SYN3: variants seen among roughly 807,000 people sequenced by gnomAD.
The protein encoded by SYN3 is synapsin-3.
In SYN3, 35 loss-of-function variants were observed where a neutral mutation model predicts 65.8. The observed-to-expected ratio is 0.53, with a 90% CI of 0.41 to 0.70. The LOEUF (loss-of-function observed/expected upper bound fraction) is 0.70. SYN3 is among the 30% of genes least tolerant of loss of function. The pLI, the probability that SYN3 is intolerant of heterozygous loss-of-function variation, is 0.00. For synonymous variants in SYN3, 270 were observed against 292.9 expected (o/e 0.92, Z 0.80); for missense variants, 680 against 749.0 (o/e 0.91, Z 1.08).
intron 6 of SYN3, among the ~76,000 whole-genome samples, chr22:32,743,452 G>C (rs1300771517): frequency 6.6e-6 from 1 of 152,228 alleles, no homozygotes; most frequent in African/African-American, 2.4e-5. Context: ...GGAAAGAAAG[G>C]TTGGAGACAG....
chr22:32,730,169 A>G (rs965338513), intron 6 of SYN3, among the ~76,000 whole-genome samples: 1 of 152,216 alleles, frequency 6.6e-6, no homozygotes, highest in Non-Finnish European at 1.5e-5. Flanking sequence ...GGCTAAGACA[A>G]AGAATAACCA....
In SYN3 at chr22:32,624,455, A is replaced by G. The variant is rs1164709865; in HGVS notation, c.712-27719T>C. On this transcript the variant is annotated intron_variant, in intron 6 of 13. Transcript: ENST00000358763. ...CAGGCTATTGAAATACTTTCATCTC[A>G]TTGGTAGTCATTTACCGGGAAGACT... Among the ~76,000 whole-genome samples the G allele has an allele frequency of 4.6e-5, 7 of 152,244 alleles. No individual in the cohort carries two copies. In the East Asian group the frequency reaches 1.4e-3, roughly 29 times the overall value.
chr22:33,010,488 G>A (rs186458975), intron 1 of SYN3, among the ~76,000 whole-genome samples: 17 of 152,264 alleles, frequency 1.1e-4, no homozygotes, highest in African/African-American at 3.8e-4. Context: ...GGCTGTACAT[G>A]TGTGGGCCTA....
At chr22:32,590,129 T>C (rs2059107872) in intron 7 of SYN3, among the ~76,000 whole-genome samples, 1 of 152,226 alleles carries the variant, frequency 6.6e-6, no homozygotes, top group South Asian at 2.1e-4. Context: ...CACTTCTGCC[T>C]CATCTCCATG....
Position 32,687,511 on chromosome 22 carries a change from C to T in SYN3, c.712-90775G>A, listed in dbSNP as rs112064592. 6.7e-3 allele frequency among the ~76,000 whole-genome samples: 1,020 copies of T among 152,270 alleles called. 8 individuals are homozygous for T. The highest frequency in any genetic ancestry group is 0.022 in the African/African-American group (907 of 41,548). On this transcript the variant is annotated intron_variant, in intron 6 of 13. Coordinates refer to ENST00000358763, the MANE Select transcript of SYN3 (RefSeq NM_003490.4). ...GCCTTCATCCTGTTTCCCTCTCTTT[C>T]CATTGCTGCCCGCTAAGTCTAAGCC... is the stretch of plus-strand genomic sequence containing the variant.
At chr22:32,649,292 C>T (rs897616281) in intron 6 of SYN3, among the ~76,000 whole-genome samples, 6 of 152,184 alleles carry the variant, frequency 3.9e-5, no homozygotes, top group African/African-American at 1.2e-4. Flanking sequence ...CTAGAGCAGC[C>T]AATTCCCATC....
intron 1 of SYN3, among the ~76,000 whole-genome samples, chr22:33,039,898 C>T (rs1252806768): frequency 6.6e-6 from 1 of 152,168 alleles, no homozygotes; most frequent in South Asian, 2.1e-4. Context: ...CACTGTCATA[C>T]ATCCAGCACC....
At chr22:32,883,578 T>C (rs747674098) in intron 4 of SYN3, among the ~76,000 whole-genome samples, 9 of 152,184 alleles carry the variant, frequency 5.9e-5, no homozygotes, top group Non-Finnish European at 1.0e-4. Context: ...GATATTCTGA[T>C]AGAATTGACC....
chr22:32,909,222 T>C (rs1397065509), intron 4 of SYN3, among the ~76,000 whole-genome samples: 1 of 152,224 alleles, frequency 6.6e-6, no homozygotes, highest in Non-Finnish European at 1.5e-5. Context: ...TGTTCTCTTC[T>C]GGCTGTGGAC....
intron 6 of SYN3, among the ~76,000 whole-genome samples, chr22:32,692,528 C>T (rs1056591107): frequency 2.6e-5 from 4 of 152,230 alleles, no homozygotes; most frequent in African/African-American, 4.8e-5. Context: ...GCCACCAACA[C>T]GCTCACTGTG....
At chr22:32,785,734 C>T (rs1308467122) in intron 6 of SYN3, among the ~76,000 whole-genome samples, 2 of 152,180 alleles carry the variant, frequency 1.3e-5, no homozygotes, top group Non-Finnish European at 2.9e-5. Flanking sequence ...TCTGTCTTAT[C>T]ATCTTCATTG....
chr22:32,960,174 C>T (rs968870071), intron 3 of SYN3, among the ~76,000 whole-genome samples: 1 of 152,100 alleles, frequency 6.6e-6, no homozygotes, highest in Non-Finnish European at 1.5e-5. Flanking sequence ...CTAGGTTAGC[C>T]AAGACTTGGA....
chr22:32,880,017 G>A (rs2049085284), intron 4 of SYN3, among the ~76,000 whole-genome samples: 1 of 152,172 alleles, frequency 6.6e-6, no homozygotes, highest in African/African-American at 2.4e-5. Flanking sequence ...TGACCCCTGG[G>A]GGACCTTCCT....
chr22:32,895,084 T>C (rs1184832880), intron 4 of SYN3, among the ~76,000 whole-genome samples: 1 of 152,214 alleles, frequency 6.6e-6, no homozygotes. Context: ...AAGTGTCTGA[T>C]GTGTAGTGCA....
chr22:32,826,503 A>G (rs2047418172), intron 6 of SYN3, among the ~76,000 whole-genome samples: 2 of 152,226 alleles, frequency 1.3e-5, no homozygotes, highest in Admixed American at 6.5e-5. Context: ...TGGAGAAAGT[A>G]GAAAACCAGA....
intron 3 of SYN3, among the ~76,000 whole-genome samples, chr22:32,951,755 T>A (rs1045958860): frequency 1.3e-5 from 2 of 152,208 alleles, no homozygotes; most frequent in South Asian, 4.1e-4. Context: ...ATGCCAGTTA[T>A]TTGAGGTGAC....
chr22:32,946,223 C>T (rs897064135), intron 3 of SYN3, among the ~76,000 whole-genome samples: 10 of 152,106 alleles, frequency 6.6e-5, no homozygotes, highest in Non-Finnish European at 1.0e-4. Flanking sequence ...AATCATGCTG[C>T]TATAAAGACA....
chr22:32,896,947 G>A (rs2049608936), intron 4 of SYN3, among the ~76,000 whole-genome samples: 1 of 152,048 alleles, frequency 6.6e-6, no homozygotes, highest in Non-Finnish European at 1.5e-5. Context: ...AGTGATGTTT[G>A]GTAACCTATG....
intron 6 of SYN3, among the ~76,000 whole-genome samples, chr22:32,841,599 T>C (rs1289703849): frequency 6.6e-6 from 1 of 151,886 alleles, no homozygotes; most frequent in African/African-American, 2.4e-5. Flanking sequence ...GGCTTGCAGG[T>C]ATAAATGTAG....
Sources: gnomAD v4.1 joint callset for allele counts (sites outside exome capture counted in the v4.1 genomes callset) on GRCh38, gnomAD v4.1.1 for gene constraint, MANE v1.5 for transcripts, NCBI Gene and HGNC (gene_info 2026-07-23, HGNC 2026-07-21) for gene names.